Variants in MED12L observed in about 807,000 individuals in gnomAD.
MED12L encodes mediator of RNA polymerase II transcription subunit 12-like protein.
A neutral mutation model predicts 281.3 loss-of-function variants in MED12L; 60 were observed. The ratio of observed to expected loss-of-function variants is 0.21; its 90% CI spans 0.17 to 0.26. MED12L has a LOEUF of 0.26. Among genes scored for constraint, MED12L ranks in the 10% least tolerant of loss-of-function variants. The probability of loss-of-function intolerance (pLI) is 1.00; values close to 1 mark genes in which losing one functional copy is unlikely to be tolerated. For synonymous variants in MED12L, 974 were observed against 987.2 expected, an observed-to-expected ratio of 0.99 and a Z score of 0.25; for missense variants, 2,146 against 2,680.9, an observed-to-expected ratio of 0.80 and a Z score of 4.41.
intron 14 of MED12L, among the ~76,000 whole-genome samples, chr3:151,192,136 C>T (rs1724073076): frequency 6.6e-6 from 1 of 152,108 alleles, no homozygotes; most frequent in South Asian, 2.1e-4. Flanking sequence ...ACTGAAGTTC[C>T]TTTACCTGTT....
At chr3:151,311,816 G>A (rs1747562892) in intron 16 of MED12L, among the ~76,000 whole-genome samples, 1 of 152,078 alleles carries the variant, frequency 6.6e-6, no homozygotes, top group Admixed American at 6.5e-5. Flanking sequence ...CACGAGGTCG[G>A]GAGTTCAAGA....
rs74961678 is a variant in MED12L at position 151,432,429 on chromosome 3, C to G, written c.6491-323C>G. Among the ~76,000 whole-genome samples, 1,305 of 152,268 alleles carry G rather than the reference C, an allele frequency of 8.6e-3. 24 individuals carry two copies. The highest frequency in any genetic ancestry group is 0.03 in the African/African-American group (1,228 of 41,550). On this transcript the variant is annotated intron_variant, in intron 44 of 44. Coordinates refer to ENST00000687756, the MANE Select transcript of MED12L (RefSeq NM_001393769.1). ...CTTTCATAAGCATTTTGAGAACTTT[C>G]AATGTTTTATGAAACTTTTACTGTA...
chr3:151,144,821 C>T (rs1717544703), intron 5 of MED12L, among the ~76,000 whole-genome samples: 1 of 152,154 alleles, frequency 6.6e-6, no homozygotes, highest in Non-Finnish European at 1.5e-5. Context: ...CTGTCAGTTT[C>T]CCTCAGTGAC....
intron 5 of MED12L, among the ~76,000 whole-genome samples, chr3:151,139,223 C>G (rs1242056703): frequency 2.0e-5 from 3 of 152,108 alleles, no homozygotes; most frequent in African/African-American, 4.8e-5. Context: ...TTCTTCTTTT[C>G]TGGCACTAGA....
intron 16 of MED12L, among the ~76,000 whole-genome samples, chr3:151,297,425 A>G (rs1413566443): frequency 6.7e-6 from 1 of 149,228 alleles, no homozygotes; most frequent in Middle Eastern, 3.2e-3. Context: ...TCTTAGGGAA[A>G]TAGAGAGAGG....
chr3:151,324,676 A>G (rs12107539), intron 16 of MED12L, among the ~76,000 whole-genome samples: 46,935 of 152,044 alleles, frequency 0.31, 7,282 homozygotes, highest in Non-Finnish European at 0.31. Context: ...ATTAAAGGAG[A>G]CAGATGTGCT....
intron 3 of MED12L, among the ~76,000 whole-genome samples, chr3:151,122,216 C>A (rs1713864856): frequency 6.6e-6 from 1 of 152,152 alleles, no homozygotes; most frequent in South Asian, 2.1e-4. Flanking sequence ...TTGAAATTGG[C>A]AGCCCAATAA....
chr3:151,371,144 TTTC>T (rs1756134752), intron 26 of MED12L, among the ~76,000 whole-genome samples: 1 of 152,180 alleles, frequency 6.6e-6, no homozygotes, highest in Non-Finnish European at 1.5e-5. Context: ...TTCTCTTTCT[TTTC>T]TTTTCCTTTC....
chr3:151,292,128 G>C lies in MED12L; in HGVS notation c.2251-57931G>C, dbSNP rs140049287. On this transcript the variant is annotated intron_variant, in intron 16 of 44. Coordinates refer to ENST00000687756, the MANE Select transcript of MED12L (RefSeq NM_001393769.1). ...TCCAGAGTGCTGAATGGAGCCAGTT[G>C]ATGCTGTTAAAGAGGTCATACATTT... Among the ~76,000 whole-genome samples the C allele has an allele frequency of 6.1e-3, 930 of 152,270 alleles. 12 individuals carry two copies. The highest frequency in any genetic ancestry group is 6.2e-3 in the Non-Finnish European group (423 of 68,026).
chr3:151,411,448 G>A lies in MED12L; in HGVS notation c.6081G>A (p.Pro2027=), dbSNP rs200135596. 1.7e-5 allele frequency: 27 copies of A among 1,614,038 alleles called. 1 individual carries two copies. In the Middle Eastern group the frequency reaches 4.9e-4, roughly 29 times the overall value. The change falls in exon 41 of 45, where the codon CCG becomes CCA. Residue 2027 remains proline, a synonymous_variant. Transcript: ENST00000687756. ...GACTCAGACAGATTCAGCAGCAGCCGAGTGGCTATGTTCAGCAGCAGGCCT... is the reference window on the plus strand; with the variant it reads ...GACTCAGACAGATTCAGCAGCAGCCAAGTGGCTATGTTCAGCAGCAGGCCT... ...MERLRQIQQQ[P]SGYVQQQASP... is the part of the protein sequence containing the mutation.
Position 151,369,477 on chromosome 3 carries a change from C to T in MED12L, c.3592C>T (p.Leu1198Phe), listed in dbSNP as rs749608325. 6.2e-7 allele frequency: 1 copy of T among 1,611,908 alleles called. No individual in the cohort carries two copies. The highest frequency in any genetic ancestry group is 8.5e-7 in the Non-Finnish European group (1 of 1,178,716). ...PGIRSSCDRH[L>F]LAAAHNSIEV... ...AATAAGATCATCTTGTGATAGACAC[C>T]TCTTAGCCGCTGCTCACAACAGCAT... The change falls in exon 26 of 45, where the codon CTC becomes TTC. Residue 1198 changes from leucine to phenylalanine, a missense_variant. Physicochemically the swap from Leu to Phe is conservative, Grantham distance 22 (BLOSUM62 0). Around this residue, in one of 9 missense-constraint regions of MED12L, gnomAD observed 404 missense variants for 603.5 expected, o/e 0.67. Transcript: ENST00000687756.
At chr3:151,196,073 T>C (rs1724615228) in intron 16 of MED12L, among the ~76,000 whole-genome samples, 1 of 152,226 alleles carries the variant, frequency 6.6e-6, no homozygotes, top group Non-Finnish European at 1.5e-5. Flanking sequence ...AGCTTCTTTA[T>C]TCTGTTGTTC....
rs1716929914 is a variant in MED12L at position 151,411,485 on chromosome 3, C to A, written c.6118C>A (p.Gln2040Lys). ...YVQQQASPYLQPLTGSQRLNH... is the reference protein window; with the variant it reads ...YVQQQASPYLKPLTGSQRLNH... ...TCAGCAGCAGGCCTCGCCGTACCTG[C>A]AGCCCCTGACTGGCTCTCAGAGGTG... Residue 2040 changes from glutamine to lysine, a missense_variant, in exon 41 of 45, where the codon CAG becomes AAG. Around this residue, in one of 9 missense-constraint regions of MED12L, gnomAD observed 496 missense variants for 512.0 expected, o/e 0.97. Coordinates refer to ENST00000687756, the MANE Select transcript of MED12L (RefSeq NM_001393769.1). 6.2e-7 allele frequency: 1 copy of A among 1,614,214 alleles called. No homozygotes were observed. Among genetic ancestry groups the A allele is most frequent in the East Asian group, 2.2e-5 (1 of 44,886 alleles).
At chr3:151,285,262 A>G (rs1743319536) in intron 16 of MED12L, among the ~76,000 whole-genome samples, 1 of 152,130 alleles carries the variant, frequency 6.6e-6, no homozygotes, top group Admixed American at 6.5e-5. Context: ...AGGTGGGCAG[A>G]TCACAAGGTC....
At chr3:151,137,378 G>A (rs1476336410) in intron 5 of MED12L, among the ~76,000 whole-genome samples, 2 of 152,012 alleles carry the variant, frequency 1.3e-5, no homozygotes, top group African/African-American at 4.8e-5. Flanking sequence ...TTGCTTTCTG[G>A]CACAGAAAGA....
At chr3:151,213,369 A>G (rs746423596) in intron 16 of MED12L, 77 of 1,613,816 alleles carry the variant, frequency 4.8e-5, no homozygotes, top group Non-Finnish European at 6.4e-5. Flanking sequence ...GGTCATTCTG[A>G]GCTTTTAATG....
Position 151,158,346 on chromosome 3 carries a change from T to C in MED12L, c.727-343T>C, listed in dbSNP as rs193087412. On this transcript the variant is annotated intron_variant, in intron 6 of 44. Coordinates refer to ENST00000687756, the MANE Select transcript of MED12L (RefSeq NM_001393769.1). ...GAGCAGTGCTTATCTTCTTTATAAT[T>C]ATCACTGTTACCCAAGTTTCCTTCT... is the stretch of plus-strand genomic sequence containing the variant. Among the ~76,000 whole-genome samples the C allele has an allele frequency of 1.1e-4, 16 of 152,274 alleles. 1 individual carries two copies. The highest frequency in any genetic ancestry group is 4.6e-4 in the Admixed American group (7 of 15,290).
At position 151,296,171 on chromosome 3, in the gene MED12L, G is replaced by A. The variant is rs142561087; in HGVS notation, c.2251-53888G>A. ...TATATTTTTTTTGTTTACAAGGCTA[G>A]GTTACGCCTATTGTATTTATTGTGG... On this transcript the variant is annotated intron_variant, in intron 16 of 44. Transcript: ENST00000687756. 1.9e-3 allele frequency among the ~76,000 whole-genome samples: 289 copies of A among 152,218 alleles called. 13 individuals are homozygous for A. The East Asian group carries it at 0.053, about 28-fold the overall frequency.
At chr3:151,185,714 T>C (rs71306542) in intron 12 of MED12L, among the ~76,000 whole-genome samples, 89 of 152,244 alleles carry the variant, frequency 5.8e-4, no homozygotes, top group Admixed American at 1.8e-3. Flanking sequence ...GGCTCACACC[T>C]GTTATAATCC....
Sources: gnomAD v4.1 joint callset for allele counts (sites outside exome capture counted in the v4.1 genomes callset) on GRCh38, gnomAD v4.1.1 for gene constraint, gnomAD v4.1.1 regional missense constraint, MANE v1.5 for transcripts, NCBI Gene and HGNC (gene_info 2026-07-23, HGNC 2026-07-21) for gene names.